PLCG2: variants seen among roughly 807,000 people sequenced by gnomAD.
PLCG2 encodes the protein phospholipase C gamma 2.
A neutral mutation model predicts 175.6 loss-of-function variants in PLCG2; 69 were observed. The observed-to-expected ratio is 0.39, with a 90% confidence interval of 0.32 to 0.48. PLCG2 has a LOEUF of 0.48. Among genes scored for constraint, PLCG2 ranks in the 20% least tolerant of loss-of-function variants. The pLI is 0.91. For synonymous variants in PLCG2, 827 were observed against 624.0 expected, an observed-to-expected ratio of 1.33 and a Z score of -4.85; for missense variants, 1,798 against 1,650.9, an observed-to-expected ratio of 1.09 and a Z score of -1.54.
intron 29 of PLCG2, among the ~76,000 whole-genome samples, chr16:81,939,550 C>T (rs904402977): frequency 6.6e-6 from 1 of 152,192 alleles, no homozygotes; most frequent in Non-Finnish European, 1.5e-5. Context: ...GTGGATGTGG[C>T]TCCCAGGCTC....
intron 11 of PLCG2, among the ~76,000 whole-genome samples, chr16:81,892,985 C>A (rs903690538): frequency 6.6e-6 from 1 of 151,738 alleles, no homozygotes; most frequent in Non-Finnish European, 1.5e-5. Context: ...GCTGGGACTC[C>A]GGGCACGAGC....
At chr16:81,758,318 C>T (rs1440211740) in intron 2 of PLCG2, among the ~76,000 whole-genome samples, 4 of 152,138 alleles carry the variant, frequency 2.6e-5, no homozygotes, top group African/African-American at 9.7e-5. Context: ...CATTTTGTAG[C>T]GTGGATCAGC....
At chr16:81,927,831 G>A (rs1876164931) in intron 23 of PLCG2, among the ~76,000 whole-genome samples, 1 of 152,216 alleles carries the variant, frequency 6.6e-6, no homozygotes, top group Non-Finnish European at 1.5e-5. Flanking sequence ...GAAGAGAGGT[G>A]CAAGTGGGAG....
chr16:81,820,145 T>C (rs1904729802), intron 2 of PLCG2, among the ~76,000 whole-genome samples: 1 of 152,234 alleles, frequency 6.6e-6, no homozygotes. Context: ...AAATGAACTT[T>C]ATTTCATATT....
intron 2 of PLCG2, among the ~76,000 whole-genome samples, chr16:81,850,776 G>C (rs776775162): frequency 6.6e-6 from 1 of 152,128 alleles, no homozygotes; most frequent in Non-Finnish European, 1.5e-5. Flanking sequence ...TCTCATTAGC[G>C]TGTTAAATCC....
rs754373274 is a variant in PLCG2, at chr16:81,893,702, C to G, written c.987-7C>G. ...TCTCACACGGCCACCTGCCTTCTCT[C>G]CTGCAGGTACCTTACAGGTGACCAG... On this transcript the variant is annotated splice_polypyrimidine_tract_variant and splice_region_variant and intron_variant, in intron 11 of 32. Transcript: ENST00000564138. The G allele has an allele frequency of 6.3e-7, 1 of 1,598,736 alleles. No individual in the cohort carries two copies. The highest frequency in any genetic ancestry group is 1.1e-5 in the South Asian group (1 of 90,762).
intron 2 of PLCG2, among the ~76,000 whole-genome samples, chr16:81,763,292 A>G (rs777481746): frequency 6.6e-6 from 1 of 152,236 alleles, no homozygotes; most frequent in Non-Finnish European, 1.5e-5. Flanking sequence ...CCATTGCTGC[A>G]TAACAGATGA....
rs143154621 is a variant in PLCG2 at position 81,831,768 on chromosome 16, C to T, written c.194-22676C>T. Among the ~76,000 whole-genome samples the T allele has an allele frequency of 6.2e-3, 947 of 152,232 alleles. 12 individuals are homozygous for T. The highest frequency in any genetic ancestry group is 0.022 in the African/African-American group (896 of 41,522). ...GCTCCCCGCTCTTGCCCCAATCCTG[C>T]CTTGTCTGAAAGGGAAGGAAGGCTC... On this transcript the variant is annotated intron_variant, in intron 2 of 32. Coordinates refer to ENST00000564138, the MANE Select transcript of PLCG2 (RefSeq NM_002661.5).
At position 81,905,367 on chromosome 16, in the gene PLCG2, C is replaced by G. The variant is rs754032077; in HGVS notation, c.1363-36C>G. 4.0e-6 allele frequency: 6 copies of G among 1,494,590 alleles called. No homozygotes were observed. In the African/African-American group the frequency reaches 5.5e-5, roughly 14 times the overall value. The allele number at this position is 1,494,590 out of a possible 1,614,324, so 92.6% of individuals were successfully genotyped here. On this transcript the variant is annotated intron_variant, in intron 14 of 32. Coordinates refer to ENST00000564138, the MANE Select transcript of PLCG2 (RefSeq NM_002661.5). ...GGCTCAAAGGCCTAAACTTGGGTCTCCATGGAGACAGCCTATGTATATGTT... is the reference window on the plus strand; with the variant it reads ...GGCTCAAAGGCCTAAACTTGGGTCTGCATGGAGACAGCCTATGTATATGTT...
At chr16:81,846,212 T>C (rs1567495137) in intron 2 of PLCG2, among the ~76,000 whole-genome samples, 1 of 138,874 alleles carries the variant, frequency 7.2e-6, no homozygotes, top group Non-Finnish European at 1.6e-5. Context: ...GCCAAGCCAA[T>C]GACTGACTGG....
chr16:81,778,072 ACACAC>A (rs1567458021), upstream of PLCG2, among the ~76,000 whole-genome samples: 10 of 97,528 alleles, frequency 1.0e-4, 1 homozygote, highest in African/African-American at 2.8e-4. Flanking sequence ...AACCAAAAAC[ACACAC>A]ACACAAAAAA....
intron 2 of PLCG2, among the ~76,000 whole-genome samples, chr16:81,807,795 A>G (rs1319748666): frequency 6.6e-6 from 1 of 152,154 alleles, no homozygotes; most frequent in East Asian, 1.9e-4. Flanking sequence ...ATCATGGTGG[A>G]AGGTGAAGGC....
Position 81,910,434 on chromosome 16 carries a change from A to G in PLCG2, c.1734-86A>G, listed in dbSNP as rs548771470. 1.2e-5 allele frequency: 14 copies of G among 1,196,400 alleles called. No homozygotes were observed. In the African/African-American group the frequency reaches 1.9e-4, roughly 17 times the overall value. The allele number at this position is 1,196,400 out of a possible 1,614,324, so 74.1% of individuals were successfully genotyped here. ...AGCAGAGGGAAGGTTGTGTGGCCAC[A>G]TGTAATGTCCCCGCCTCTGAGGCCC... On this transcript the variant is annotated intron_variant, in intron 17 of 32. Transcript: ENST00000564138.
At chr16:81,817,251 GAGA>G (rs1342403024) in intron 2 of PLCG2, among the ~76,000 whole-genome samples, 1 of 152,226 alleles carries the variant, frequency 6.6e-6, no homozygotes, top group Non-Finnish European at 1.5e-5. Context: ...CCTCTAGGTG[GAGA>G]AGGACTATGC....
At chr16:81,803,013 T>A (rs1567471868) in intron 2 of PLCG2, among the ~76,000 whole-genome samples, 1 of 152,162 alleles carries the variant, frequency 6.6e-6, no homozygotes, top group Non-Finnish European at 1.5e-5. Context: ...TCACCTCTAC[T>A]TTACTTTCCC....
chr16:81,840,791 T>C (rs1905781469), intron 2 of PLCG2, among the ~76,000 whole-genome samples: 1 of 152,146 alleles, frequency 6.6e-6, no homozygotes, highest in Admixed American at 6.5e-5. Context: ...GGGACCCCTG[T>C]CTTGGAGGCA....
chr16:81,739,991 AGC>A (rs1317376594), intron 1 of PLCG2, among the ~76,000 whole-genome samples: 2 of 109,822 alleles, frequency 1.8e-5, no homozygotes, highest in Non-Finnish European at 4.6e-5. Context: ...TACAAAAATT[AGC>A]TGTGTGTGGT....
chr16:81,763,100 G>C (rs538353436), intron 2 of PLCG2, among the ~76,000 whole-genome samples: 1 of 152,260 alleles, frequency 6.6e-6, no homozygotes, highest in South Asian at 2.1e-4. Flanking sequence ...AAATACAAAA[G>C]ATAAAAATAC....
chr16:81,813,719 G>A (rs950694386), intron 2 of PLCG2, among the ~76,000 whole-genome samples: 1 of 152,168 alleles, frequency 6.6e-6, no homozygotes, highest in Non-Finnish European at 1.5e-5. Flanking sequence ...CAGGCTGGAA[G>A]TTCCCAGGCA....
Sources: gnomAD v4.1 joint callset for allele counts (sites outside exome capture counted in the v4.1 genomes callset) on GRCh38, gnomAD v4.1.1 for gene constraint, MANE v1.5 for transcripts, NCBI Gene and HGNC (gene_info 2026-07-23, HGNC 2026-07-21) for gene names.